The following ZSWIM5 variants were observed in gnomAD, a reference collection of about 807,000 sequenced individuals.
The protein encoded by ZSWIM5 is zinc finger SWIM domain-containing protein 5.
A neutral mutation model predicts 119.6 loss-of-function variants in ZSWIM5; 55 were observed. That is an observed-to-expected ratio of 0.46 (90% CI 0.37 to 0.58). The LOEUF is 0.58. Among genes scored for constraint, ZSWIM5 ranks in the 20% least tolerant of loss-of-function variants. The probability of loss-of-function intolerance (pLI) is 0.00; values close to 1 mark genes in which losing one functional copy is unlikely to be tolerated. For synonymous variants in ZSWIM5, 537 were observed against 606.9 expected (o/e 0.88, Z 1.69); for missense variants, 1,193 against 1,512.8 (o/e 0.79, Z 3.51).
chr1:45,139,694 ATTTTTTTT>A lies in ZSWIM5; in HGVS notation c.596-51465_596-51458del, dbSNP rs774168631. ...TTCTTTCCTTCTTTTGCTTTCTTCG[ATTTTTTTT>A]TTTTTTTTTTTTTTTTGGTAGAGAC... On this transcript the variant is annotated intron_variant, in intron 1 of 13. Coordinates refer to ENST00000359600, the MANE Select transcript of ZSWIM5 (RefSeq NM_020883.2). Among the ~76,000 whole-genome samples, 287 of 67,354 alleles carry A rather than the reference ATTTTTTTT, an allele frequency of 4.3e-3. 2 individuals carry two copies. Among genetic ancestry groups the A allele is most frequent in the African/African-American group, 0.013 (216 of 16,352 alleles). 44.2% of individuals were successfully genotyped at this position (67,354 alleles called of 152,430 possible).
chr1:45,183,513 A>C (rs887439365), intron 1 of ZSWIM5, among the ~76,000 whole-genome samples: 1 of 152,192 alleles, frequency 6.6e-6, no homozygotes, highest in African/African-American at 2.4e-5. Flanking sequence ...AAGACTAATA[A>C]AGAAAAAAAG....
chr1:45,021,105 G>A (rs1035876619), intron 11 of ZSWIM5, among the ~76,000 whole-genome samples: 4 of 151,438 alleles, frequency 2.6e-5, no homozygotes, highest in Admixed American at 6.6e-5. Context: ...GCTTGATCTC[G>A]GCTCACTGCA....
At chr1:45,064,794 C>T (rs1252850628) in intron 2 of ZSWIM5, among the ~76,000 whole-genome samples, 2 of 152,120 alleles carry the variant, frequency 1.3e-5, no homozygotes, top group Non-Finnish European at 2.9e-5. Context: ...AAAGTTTAGA[C>T]AAGGTAACTT....
intron 1 of ZSWIM5, among the ~76,000 whole-genome samples, chr1:45,133,122 T>G (rs1645668401): frequency 6.6e-6 from 1 of 152,180 alleles, no homozygotes; most frequent in Admixed American, 6.5e-5. Flanking sequence ...CTTTTGGGTA[T>G]ATACCCAGTA....
chr1:45,016,542 G>C lies in ZSWIM5; in HGVS notation c.*1912C>G, dbSNP rs1644854790. 1 of 152,192 alleles carries C rather than the reference G, an allele frequency of 6.6e-6. No homozygotes were observed. The highest frequency in any genetic ancestry group is 6.5e-5 in the Admixed American group (1 of 15,274). 9.4% of individuals were successfully genotyped at this position (152,192 alleles called of 1,614,324 possible). ...TTTTTTTTAACCAACCCATTGGGCT[G>C]AGACGTAGGGGCCCTTGGCTGGACA... On this transcript the variant is annotated 3_prime_UTR_variant, in exon 14 of 14. Transcript: ENST00000359600.
rs980060805 is a variant in ZSWIM5 at position 45,057,935 on chromosome 1, G to A, written c.1252+674C>T. On this transcript the variant is annotated intron_variant, in intron 4 of 13. Coordinates refer to ENST00000359600, the MANE Select transcript of ZSWIM5 (RefSeq NM_020883.2). This position sits in a 1 kb window ranked among gnomAD's most constrained non-coding sequence, Gnocchi z 4.7. ...AAATAAAGTTGGTCACTGGATGTAG[G>A]GAATGAAAGAAAAATGAGTGCTTAG... is the stretch of plus-strand genomic sequence containing the variant. Among the ~76,000 whole-genome samples, 1 of 152,108 alleles carries A rather than the reference G, an allele frequency of 6.6e-6. No homozygotes were observed. Among genetic ancestry groups the A allele is most frequent in the Non-Finnish European group, 1.5e-5 (1 of 68,010 alleles).
At position 45,060,119 on chromosome 1, in the gene ZSWIM5, G is replaced by A; in HGVS notation, c.1081C>T (p.Leu361Phe). ...QGGYCGSGKQ[L>F]NSMFAKVREM... ...CTTACCTTGGCAAACATTGAGTTGA[G>A]TTGCTTTCCAGAGCCACAGTAACCG... Residue 361 changes from leucine to phenylalanine, a missense_variant, in exon 3 of 14, where the codon CTC (leucine) becomes TTC (phenylalanine). Transcript: ENST00000359600. The A allele has an allele frequency of 6.2e-7, 1 of 1,614,178 alleles. No homozygotes were observed. The highest frequency in any genetic ancestry group is 8.5e-7 in the Non-Finnish European group (1 of 1,180,020).
At chr1:45,135,386 A>C (rs1645683009) in intron 1 of ZSWIM5, among the ~76,000 whole-genome samples, 1 of 152,208 alleles carries the variant, frequency 6.6e-6, no homozygotes. Context: ...ACTGAACTTA[A>C]AAATGGTTAA....
intron 11 of ZSWIM5, among the ~76,000 whole-genome samples, chr1:45,027,368 GATTTT>G (rs559542859): frequency 3.9e-4 from 59 of 151,750 alleles, no homozygotes; most frequent in African/African-American, 1.3e-3. Flanking sequence ...TTAGATGATT[GATTTT>G]ATTTTATAAT....
chr1:45,167,207 A>C (rs1242980042), intron 1 of ZSWIM5, among the ~76,000 whole-genome samples: 2 of 147,304 alleles, frequency 1.4e-5, no homozygotes, highest in East Asian at 2.0e-4. Flanking sequence ...AACCTGACAA[A>C]AACAAGCAAT....
At chr1:45,195,630 A>G (rs1172559992) in intron 1 of ZSWIM5, among the ~76,000 whole-genome samples, 4 of 152,234 alleles carry the variant, frequency 2.6e-5, no homozygotes, top group African/African-American at 9.6e-5. Flanking sequence ...TTTTGATGAT[A>G]GTAACAATGA....
At chr1:45,141,252 C>T (rs912489263) in intron 1 of ZSWIM5, among the ~76,000 whole-genome samples, 1 of 152,178 alleles carries the variant, frequency 6.6e-6, no homozygotes, top group Non-Finnish European at 1.5e-5. Context: ...CCAATTCTCA[C>T]TCTGTCTTTT....
At chr1:45,195,622 T>C (rs887257824) in intron 1 of ZSWIM5, among the ~76,000 whole-genome samples, 37 of 152,182 alleles carry the variant, frequency 2.4e-4, no homozygotes, top group African/African-American at 8.7e-4. Flanking sequence ...CAAATGTCTT[T>C]TGATGATAGT....
At position 45,192,192 on chromosome 1, in the gene ZSWIM5, C is replaced by T. The variant is rs550511119; in HGVS notation, c.595+13564G>A. Among the ~76,000 whole-genome samples the T allele has an allele frequency of 2.6e-3, 392 of 152,244 alleles. 2 individuals are homozygous for T. The highest frequency in any genetic ancestry group is 4.8e-3 in the Non-Finnish European group (329 of 68,002). On this transcript the variant is annotated intron_variant, in intron 1 of 13. Transcript: ENST00000359600. ...ACAGTTCAGTGGTATTAAGCACATT[C>T]ACTTGGTTGTACAACCATCACTCCT... is the stretch of plus-strand genomic sequence containing the variant.
intron 1 of ZSWIM5, among the ~76,000 whole-genome samples, chr1:45,195,201 T>C (rs1405904003): frequency 6.6e-6 from 1 of 152,206 alleles, no homozygotes; most frequent in Admixed American, 6.5e-5. Flanking sequence ...AATTATGTTC[T>C]GTTTTGCACA....
At chr1:45,070,390 A>T (rs1460388150) in intron 2 of ZSWIM5, 18 of 1,424,362 alleles carry the variant, frequency 1.3e-5, no homozygotes, top group Non-Finnish European at 1.8e-5. Context: ...AGGTTAGGAC[A>T]TTCGAGCACA....
At position 45,120,956 on chromosome 1, in the gene ZSWIM5, C is replaced by CT. The variant is rs1363400232; in HGVS notation, c.596-32720dup. 8.5e-3 allele frequency among the ~76,000 whole-genome samples: 1,241 copies of CT among 146,254 alleles called. 13 individuals carry two copies. The highest frequency in any genetic ancestry group is 0.023 in the African/African-American group (931 of 40,244). On this transcript the variant is annotated intron_variant, in intron 1 of 13. Transcript: ENST00000359600. ...TGCTCTGGATCCTATCACTTTTCAT[C>CT]TTTTTTTTTTTTGAGACGGAGTCTC...
chr1:45,139,467 T>C (rs1451447090), intron 1 of ZSWIM5, among the ~76,000 whole-genome samples: 3 of 121,936 alleles, frequency 2.5e-5, no homozygotes, highest in East Asian at 2.8e-4. Context: ...TCCCTCCCTC[T>C]CTCTCTCTTT....
intron 2 of ZSWIM5, among the ~76,000 whole-genome samples, chr1:45,071,454 C>CTTTTTTTTTTTT (rs58028758): frequency 1.2e-4 from 11 of 93,744 alleles, no homozygotes; most frequent in Admixed American, 1.4e-4. Flanking sequence ...GACAGAATCT[C>CTTTTTTTTTTTT]TTTTTTTTTT....
Sources: gnomAD v4.1 joint callset for allele counts (sites outside exome capture counted in the v4.1 genomes callset) on GRCh38, gnomAD v4.1.1 for gene constraint, Gnocchi (gnomAD v3.1) non-coding constraint, MANE v1.5 for transcripts, NCBI Gene and HGNC (gene_info 2026-07-23, HGNC 2026-07-21) for gene names.